Variants in FNDC3B observed in about 807,000 individuals in gnomAD.
FNDC3B encodes the protein fibronectin type III domain containing 3B.
Under a neutral mutation model 151.5 loss-of-function variants are expected in FNDC3B, and 12 were observed. That is an observed-to-expected ratio of 0.08 (90% CI 0.05 to 0.13). FNDC3B has a LOEUF of 0.13. FNDC3B is among the 10% of genes least tolerant of loss of function. The probability of loss-of-function intolerance (pLI) is 1.00; values close to 1 mark genes in which losing one functional copy is unlikely to be tolerated. For synonymous variants in FNDC3B, 528 were observed against 549.0 expected, an observed-to-expected ratio of 0.96 and a Z score of 0.54; for missense variants, 1,214 against 1,505.3, an observed-to-expected ratio of 0.81 and a Z score of 3.20.
At chr3:172,149,033 T>C (rs1287538960) in intron 3 of FNDC3B, among the ~76,000 whole-genome samples, 1 of 152,204 alleles carries the variant, frequency 6.6e-6, no homozygotes, top group Admixed American at 6.5e-5. Context: ...TGCTGAAAAG[T>C]AGCTCTGGAT....
At chr3:172,185,666 T>C (rs1724138137) in intron 3 of FNDC3B, among the ~76,000 whole-genome samples, 1 of 152,250 alleles carries the variant, frequency 6.6e-6, no homozygotes, top group Admixed American at 6.5e-5. Flanking sequence ...ATACCTTGTG[T>C]CTTTATTTAG....
intron 6 of FNDC3B, among the ~76,000 whole-genome samples, chr3:172,273,882 A>G (rs945267160): frequency 7.9e-5 from 12 of 152,212 alleles, no homozygotes; most frequent in African/African-American, 2.7e-4. Context: ...ACACAGGGAT[A>G]TTTCAGGTGG....
chr3:172,309,880 C>T (rs1265244663), intron 10 of FNDC3B, among the ~76,000 whole-genome samples: 2 of 152,186 alleles, frequency 1.3e-5, no homozygotes, highest in African/African-American at 2.4e-5. Context: ...CACCAGACCA[C>T]ATGCGACAAA....
chr3:172,284,508 G>A (rs373380077), intron 6 of FNDC3B, among the ~76,000 whole-genome samples: 2 of 152,140 alleles, frequency 1.3e-5, no homozygotes, highest in South Asian at 4.1e-4. Context: ...ATGTAAGAGT[G>A]ACAGAAATGA....
At chr3:172,368,590 T>G (rs1398474027) in intron 23 of FNDC3B, among the ~76,000 whole-genome samples, 1 of 152,242 alleles carries the variant, frequency 6.6e-6, no homozygotes, top group South Asian at 2.1e-4. Context: ...ATCTCAGAAC[T>G]GTTGCTGGGT....
chr3:172,145,999 G>A lies in FNDC3B; in HGVS notation c.187+12453G>A, dbSNP rs370443092. Among the ~76,000 whole-genome samples, 135 of 152,246 alleles carry A rather than the reference G, an allele frequency of 8.9e-4. 2 individuals carry two copies. The highest frequency in any genetic ancestry group is 3.2e-3 in the African/African-American group (133 of 41,552). ...CCGTTAGTTTTGTACTTTTAGCAGA[G>A]AGGAGGTTTCTCCATGTTGGTCAGG... On this transcript the variant is annotated intron_variant, in intron 3 of 25. Transcript: ENST00000415807.
chr3:172,052,614 AG>A (rs1426367347), intron 1 of FNDC3B, among the ~76,000 whole-genome samples: 1 of 152,192 alleles, frequency 6.6e-6, no homozygotes, highest in African/African-American at 2.4e-5. Context: ...TGTTAAGAGA[AG>A]AATCTCCTGG....
intron 3 of FNDC3B, chr3:172,134,259 G>A (rs1721252069): frequency 2.1e-6 from 1 of 465,226 alleles, no homozygotes; most frequent in Non-Finnish European, 4.3e-6. Context: ...TGCCTCTTCT[G>A]TATAGTTCAC....
chr3:172,369,698 G>A (rs1404297150), intron 23 of FNDC3B, among the ~76,000 whole-genome samples: 16 of 152,102 alleles, frequency 1.1e-4, no homozygotes, highest in Admixed American at 1.0e-3. Flanking sequence ...TGCTTAGTCG[G>A]TAAACGGGGA....
At chr3:172,066,178 TC>T (rs1717487283) in intron 1 of FNDC3B, among the ~76,000 whole-genome samples, 1 of 152,200 alleles carries the variant, frequency 6.6e-6, no homozygotes, top group Non-Finnish European at 1.5e-5. Flanking sequence ...TGTTCTGTCT[TC>T]CCATGATTCT....
chr3:172,207,097 AGTC>A (rs59688704), intron 3 of FNDC3B, among the ~76,000 whole-genome samples: 61,711 of 151,656 alleles, frequency 0.41, 13,528 homozygotes, highest in Non-Finnish European at 0.49. Flanking sequence ...GAGAATTGGT[AGTC>A]CCAACTTTCT....
At chr3:172,119,169 T>TAAAAAAAAA (rs555243695) in intron 2 of FNDC3B, among the ~76,000 whole-genome samples, 1 of 102,192 alleles carries the variant, frequency 9.8e-6, no homozygotes, top group African/African-American at 4.0e-5. Flanking sequence ...GACTCTGCCT[T>TAAAAAAAAA]AAAAAAAAAA....
intron 20 of FNDC3B, 21 bp downstream of exon 20, chr3:172,346,461 A>C: frequency 6.9e-7 from 1 of 1,450,264 alleles, no homozygotes; most frequent in South Asian, 1.2e-5. Flanking sequence ...CATATTCTGC[A>C]TCAACTTCTG....
chr3:172,056,154 A>G (rs767877567), intron 1 of FNDC3B, among the ~76,000 whole-genome samples: 2 of 152,094 alleles, frequency 1.3e-5, no homozygotes, highest in Admixed American at 1.3e-4. Context: ...GGTGAGTCCA[A>G]TAGAGGGAGG....
chr3:172,133,692 G>T (rs754900301), intron 3 of FNDC3B, 146 bp downstream of exon 3: 1 of 726,472 alleles, frequency 1.4e-6, no homozygotes, highest in African/African-American at 1.7e-5. Flanking sequence ...CTGTCGCATG[G>T]TCTCAAATAT....
chr3:172,310,500 C>T (rs1456124046), intron 10 of FNDC3B, among the ~76,000 whole-genome samples: 1 of 152,220 alleles, frequency 6.6e-6, no homozygotes, highest in Admixed American at 6.5e-5. Flanking sequence ...TCACTCTACG[C>T]TTGAATTCAA....
rs73033107 is a variant in FNDC3B, at chr3:172,299,908, C to A, written c.1061+1121C>A. Among the ~76,000 whole-genome samples the A allele has an allele frequency of 2.1e-3, 322 of 152,276 alleles. 2 individuals are homozygous for A. The highest frequency in any genetic ancestry group is 7.3e-3 in the African/African-American group (305 of 41,548). On this transcript the variant is annotated intron_variant, in intron 9 of 25. Transcript: ENST00000415807. ...CTCAGTTAAAAAAAAGGTAGTAAAG[C>A]AAGGATGTGCGTTGAGGATGTAATA... is the stretch of plus-strand genomic sequence containing the variant.
intron 1 of FNDC3B, among the ~76,000 whole-genome samples, chr3:172,062,144 C>T (rs555001657): frequency 6.6e-6 from 1 of 152,170 alleles, no homozygotes; most frequent in South Asian, 2.1e-4. Context: ...GCCAGCATGA[C>T]CATGAAGTGC....
intron 1 of FNDC3B, among the ~76,000 whole-genome samples, chr3:172,060,462 C>G (rs1485368771): frequency 6.6e-6 from 1 of 152,038 alleles, no homozygotes; most frequent in East Asian, 1.9e-4. Flanking sequence ...CCTAAAGGCC[C>G]CCTCCACACT....
Sources: gnomAD v4.1 joint callset for allele counts (sites outside exome capture counted in the v4.1 genomes callset) on GRCh38, gnomAD v4.1.1 for gene constraint, MANE v1.5 for transcripts, NCBI Gene and HGNC (gene_info 2026-07-23, HGNC 2026-07-21) for gene names.